HS3ST3B1: variants seen among roughly 807,000 people sequenced by gnomAD.
HS3ST3B1 encodes the protein heparan sulfate-glucosamine 3-sulfotransferase 3B1.
Under a neutral mutation model 21.3 loss-of-function variants are expected in HS3ST3B1, and 13 were observed. The ratio of observed to expected loss-of-function variants is 0.61; its 90% CI spans 0.40 to 0.97. HS3ST3B1 has a LOEUF of 0.97. HS3ST3B1 is among the 50% of genes least tolerant of loss of function. The probability of loss-of-function intolerance (pLI) is 0.00; values close to 1 mark genes in which losing one functional copy is unlikely to be tolerated. For missense variants in HS3ST3B1, 459 were observed against 554.8 expected, an observed-to-expected ratio of 0.83 and a Z score of 1.73; for synonymous variants, 234 against 254.8, an observed-to-expected ratio of 0.92 and a Z score of 0.78.
At chr17:14,324,003 A>G (rs911350368) in intron 1 of HS3ST3B1, among the ~76,000 whole-genome samples, 2 of 152,130 alleles carry the variant, frequency 1.3e-5, no homozygotes, top group Non-Finnish European at 2.9e-5. Flanking sequence ...AGCTTTTCAG[A>G]GAGAGGCAGT....
intron 1 of HS3ST3B1, among the ~76,000 whole-genome samples, chr17:14,331,334 G>T (rs1910005222): frequency 6.6e-6 from 1 of 151,920 alleles, no homozygotes; most frequent in Non-Finnish European, 1.5e-5. Context: ...ACAGGAACAG[G>T]TGGCCATTGT....
chr17:14,331,200 G>A (rs370979489), intron 1 of HS3ST3B1, among the ~76,000 whole-genome samples: 16 of 152,090 alleles, frequency 1.1e-4, no homozygotes, highest in African/African-American at 3.9e-4. Flanking sequence ...GATTTGTCCC[G>A]GCATAAACAG....
At chr17:14,314,154 T>G (rs969340309) in intron 1 of HS3ST3B1, among the ~76,000 whole-genome samples, 2 of 151,776 alleles carry the variant, frequency 1.3e-5, no homozygotes, top group African/African-American at 4.8e-5. Context: ...TCATTTTGTA[T>G]TATTAGTAGA....
chr17:14,307,692 G>A (rs1441055407), intron 1 of HS3ST3B1, among the ~76,000 whole-genome samples: 1 of 152,168 alleles, frequency 6.6e-6, no homozygotes, highest in Non-Finnish European at 1.5e-5. Context: ...TTGCCGACTG[G>A]TTTCTATGTC....
chr17:14,313,936 CATT>C (rs1909417198), intron 1 of HS3ST3B1, among the ~76,000 whole-genome samples: 1 of 152,060 alleles, frequency 6.6e-6, no homozygotes, highest in Non-Finnish European at 1.5e-5. Context: ...AAATCTCAGA[CATT>C]ATATTGTTTA....
At chr17:14,330,754 G>T (rs147623147) in intron 1 of HS3ST3B1, among the ~76,000 whole-genome samples, 3 of 152,082 alleles carry the variant, frequency 2.0e-5, no homozygotes, top group African/African-American at 7.2e-5. Context: ...GCAGGGAGGG[G>T]ACTACAGAGG....
chr17:14,316,037 T>G (rs954630883), intron 1 of HS3ST3B1, among the ~76,000 whole-genome samples: 1 of 152,330 alleles, frequency 6.6e-6, no homozygotes, highest in South Asian at 2.1e-4. Flanking sequence ...TCTATCCAGA[T>G]GCCAGCTTGG....
intron 1 of HS3ST3B1, among the ~76,000 whole-genome samples, chr17:14,335,674 A>G (rs1244563596): frequency 6.6e-6 from 1 of 152,116 alleles, no homozygotes; most frequent in East Asian, 1.9e-4. Context: ...AGCCAGGGCA[A>G]CAGAGCAAGA....
At chr17:14,308,305 C>G (rs766663230) in intron 1 of HS3ST3B1, among the ~76,000 whole-genome samples, 16 of 152,148 alleles carry the variant, frequency 1.1e-4, no homozygotes, top group Non-Finnish European at 2.2e-4. Flanking sequence ...TGTTAAAATA[C>G]TGCTAATGCT....
At chr17:14,321,943 C>T (rs1228284079) in intron 1 of HS3ST3B1, among the ~76,000 whole-genome samples, 2 of 151,980 alleles carry the variant, frequency 1.3e-5, no homozygotes, top group Non-Finnish European at 1.5e-5. Context: ...TATATACACA[C>T]ATCACCATCA....
chr17:14,343,271 T>C (rs75813745), intron 1 of HS3ST3B1, among the ~76,000 whole-genome samples: 3 of 151,720 alleles, frequency 2.0e-5, no homozygotes, highest in Admixed American at 6.6e-5. Context: ...AAAAGAAAGA[T>C]TCAATCAAGC....
At chr17:14,342,381 G>A (rs1012160259) in intron 1 of HS3ST3B1, among the ~76,000 whole-genome samples, 5 of 152,048 alleles carry the variant, frequency 3.3e-5, no homozygotes, top group South Asian at 2.1e-4. Context: ...TAAATTGTCC[G>A]ACTTGTAAAT....
chr17:14,311,241 A>G (rs1354960530), intron 1 of HS3ST3B1, among the ~76,000 whole-genome samples: 1 of 150,310 alleles, frequency 6.7e-6, no homozygotes, highest in South Asian at 2.1e-4. Context: ...GCTAATTAAA[A>G]AAAAAAAAAA....
intron 1 of HS3ST3B1, among the ~76,000 whole-genome samples, chr17:14,329,626 G>T (rs1439368447): frequency 6.6e-6 from 1 of 152,112 alleles, no homozygotes; most frequent in Non-Finnish European, 1.5e-5. Context: ...TTCCTCCTTG[G>T]CTGATCATCT....
intron 1 of HS3ST3B1, among the ~76,000 whole-genome samples, chr17:14,314,309 A>C (rs904522423): frequency 6.6e-6 from 1 of 152,216 alleles, no homozygotes; most frequent in East Asian, 1.9e-4. Flanking sequence ...TTATTTACAT[A>C]CTTATAGAAA....
At chr17:14,340,314 A>G (rs1290040705) in intron 1 of HS3ST3B1, among the ~76,000 whole-genome samples, 2 of 152,038 alleles carry the variant, frequency 1.3e-5, no homozygotes, top group Non-Finnish European at 2.9e-5. Flanking sequence ...ATGTCTGGTC[A>G]CTTTGGCCAG....
chr17:14,316,610 C>T (rs1318009674), intron 1 of HS3ST3B1, among the ~76,000 whole-genome samples: 1 of 152,146 alleles, frequency 6.6e-6, no homozygotes, highest in Non-Finnish European at 1.5e-5. Flanking sequence ...GATGATTGCT[C>T]AACCTGGTTG....
chr17:14,324,789 T>A (rs1288212100), intron 1 of HS3ST3B1, among the ~76,000 whole-genome samples: 1 of 152,102 alleles, frequency 6.6e-6, no homozygotes, highest in African/African-American at 2.4e-5. Flanking sequence ...TTTTTAAAAA[T>A]TTTTGTAGAG....
intron 1 of HS3ST3B1, among the ~76,000 whole-genome samples, chr17:14,334,731 T>G (rs1369733726): frequency 6.6e-6 from 1 of 152,230 alleles, no homozygotes; most frequent in Non-Finnish European, 1.5e-5. Flanking sequence ...GATATTTTCC[T>G]ACAGGGTAGT....
Sources: allele counts gnomAD v4.1 joint callset (sites outside exome capture counted in the v4.1 genomes callset), GRCh38; gene constraint gnomAD v4.1.1; transcripts MANE v1.5; gene names NCBI Gene and HGNC (gene_info 2026-07-23, HGNC 2026-07-21).